The following GRK5 variants were observed in gnomAD, a reference collection of about 807,000 sequenced individuals.
GRK5 encodes g protein-coupled receptor kinase GRK5.
A neutral mutation model predicts 78.4 loss-of-function variants in GRK5; 40 were observed. That is an observed-to-expected ratio of 0.51 (90% confidence interval 0.40 to 0.66). GRK5 has a LOEUF of 0.66. Among genes scored for constraint, GRK5 ranks in the 30% least tolerant of loss-of-function variants. GRK5 has a pLI of 0.00. For missense variants in GRK5, 598 were observed against 759.9 expected, an observed-to-expected ratio of 0.79 and a Z score of 2.50; for synonymous variants, 289 against 296.8, an observed-to-expected ratio of 0.97 and a Z score of 0.27.
At chr10:119,250,777 T>TTGCTC (rs369016622) in intron 1 of GRK5, among the ~76,000 whole-genome samples, 89 of 152,316 alleles carry the variant, frequency 5.8e-4, no homozygotes, top group African/African-American at 2.1e-3. Flanking sequence ...TTATCTCCTC[T>TTGCTC]TGCTCTGAGT....
chr10:119,416,750 T>C (rs1589798374), intron 4 of GRK5, among the ~76,000 whole-genome samples: 1 of 152,126 alleles, frequency 6.6e-6, no homozygotes, highest in South Asian at 2.1e-4. Context: ...CATGCCACCA[T>C]GCCCAGCTAA....
chr10:119,431,612 T>A lies in GRK5; in HGVS notation c.738+85T>A. On this transcript the variant is annotated intron_variant, in intron 8 of 15. Transcript: ENST00000392870. This position sits in a 1 kb window ranked among gnomAD's most constrained non-coding sequence, Gnocchi z 4.8. ...CCTCCGGAAGGGCGTGGTCCTCTAA[T>A]GCGGCCGGTCCCCACCCCTGGGAAG... 1.3e-6 allele frequency: 2 copies of A among 1,496,156 alleles called. No individual in the cohort carries two copies. Among genetic ancestry groups the A allele is most frequent in the African/African-American group, 2.8e-5 (2 of 71,296 alleles). 92.7% of individuals were successfully genotyped at this position (1,496,156 alleles called of 1,614,324 possible). A position where few individuals can be genotyped will look rare whatever the true frequency, so the allele number is the denominator to read the frequency against.
intron 2 of GRK5, among the ~76,000 whole-genome samples, chr10:119,346,459 C>A (rs1227715427): frequency 3.3e-5 from 5 of 152,208 alleles, no homozygotes; most frequent in Non-Finnish European, 5.9e-5. Flanking sequence ...AAAGAAAAAG[C>A]CCCATGGGGC....
At chr10:119,429,601 G>C (rs1852775025) in intron 6 of GRK5, among the ~76,000 whole-genome samples, 1 of 150,954 alleles carries the variant, frequency 6.6e-6, no homozygotes, top group Non-Finnish European at 1.5e-5. Context: ...CAGAAGTTCT[G>C]TCTGATTCAA....
intron 1 of GRK5, among the ~76,000 whole-genome samples, chr10:119,229,463 A>C (rs1848791294): frequency 1.3e-5 from 2 of 152,180 alleles, no homozygotes; most frequent in African/African-American, 2.4e-5. Context: ...ATCTCTGTCT[A>C]GTGAACTAGT....
chr10:119,302,854 A>G (rs1850207205), intron 1 of GRK5, among the ~76,000 whole-genome samples: 1 of 152,122 alleles, frequency 6.6e-6, no homozygotes, highest in African/African-American at 2.4e-5. Flanking sequence ...TTCTGTCCCC[A>G]CGTGACCAAC....
At chr10:119,235,150 TTA>T (rs1430431138) in intron 1 of GRK5, among the ~76,000 whole-genome samples, 10 of 147,682 alleles carry the variant, frequency 6.8e-5, no homozygotes, top group African/African-American at 1.0e-4. Flanking sequence ...TAATTTTTTT[TTA>T]TTTTTTTTAT....
intron 2 of GRK5, among the ~76,000 whole-genome samples, chr10:119,355,976 C>CTT (rs1851257764): frequency 6.6e-6 from 1 of 152,154 alleles, no homozygotes; most frequent in Middle Eastern, 3.2e-3. Flanking sequence ...TTTTTTCACT[C>CTT]TAAGATAACT....
chr10:119,394,391 T>C (rs370056940), intron 3 of GRK5, among the ~76,000 whole-genome samples: 2 of 92,450 alleles, frequency 2.2e-5, no homozygotes, highest in Non-Finnish European at 4.8e-5. Context: ...TGTGTATCTG[T>C]GTCTGTGTGT....
chr10:119,308,681 C>T (rs752506999), intron 1 of GRK5, among the ~76,000 whole-genome samples: 4 of 152,252 alleles, frequency 2.6e-5, no homozygotes, highest in African/African-American at 7.2e-5. Flanking sequence ...AGCTTTCTTA[C>T]GCCTCGTTCT....
intron 6 of GRK5, among the ~76,000 whole-genome samples, chr10:119,425,475 C>T (rs1331206019): frequency 6.6e-6 from 1 of 152,186 alleles, no homozygotes; most frequent in Admixed American, 6.5e-5. Flanking sequence ...GGAGCCCTCC[C>T]TAAATAATAA....
rs1564917126 is a variant in GRK5, at chr10:119,394,361, GGT to G, written c.262-2326_262-2325del. 2.8e-3 allele frequency among the ~76,000 whole-genome samples: 195 copies of G among 70,714 alleles called. 41 individuals carry two copies. The highest frequency in any genetic ancestry group is 0.019 in the Middle Eastern group (2 of 106). 46.4% of individuals were successfully genotyped at this position (70,714 alleles called of 152,430 possible). On this transcript the variant is annotated intron_variant, in intron 3 of 15. Coordinates refer to ENST00000392870, the MANE Select transcript of GRK5 (RefSeq NM_005308.3). ...CTGTGTGTGGGCATGTGGGTGTGTGGGTGTGTGTGGGTGTCGGTGTGTGTATC... is the reference window on the plus strand; with the variant it reads ...CTGTGTGTGGGCATGTGGGTGTGTGGGTGTGTGGGTGTCGGTGTGTGTATC...
At chr10:119,208,941 T>C (rs1228703830) in intron 1 of GRK5, among the ~76,000 whole-genome samples, 1 of 152,174 alleles carries the variant, frequency 6.6e-6, no homozygotes, top group Non-Finnish European at 1.5e-5. Context: ...ATTTGAGCTC[T>C]AGTGTGCGAC....
At chr10:119,276,261 TC>T (rs1414298088) in intron 1 of GRK5, among the ~76,000 whole-genome samples, 1 of 151,884 alleles carries the variant, frequency 6.6e-6, no homozygotes. Context: ...ATGCTATCCC[TC>T]CCCCCTCCTC....
At chr10:119,394,313 C>CGTGTGT (rs1308713917) in intron 3 of GRK5, among the ~76,000 whole-genome samples, 1 of 4,252 alleles carries the variant, frequency 2.4e-4, no homozygotes, top group Non-Finnish European at 4.8e-4. Flanking sequence ...TGTGTGGGCA[C>CGTGTGT]GTGGGTGTGT....
chr10:119,373,409 A>G (rs143867923), intron 2 of GRK5, among the ~76,000 whole-genome samples: 330 of 152,316 alleles, frequency 2.2e-3, no homozygotes, highest in African/African-American at 7.5e-3. Context: ...GGTCTTTCCC[A>G]TGCTGTTCTC....
intron 13 of GRK5, among the ~76,000 whole-genome samples, chr10:119,451,329 A>G (rs1370086211): frequency 6.6e-6 from 1 of 152,082 alleles, no homozygotes; most frequent in East Asian, 1.9e-4. Context: ...TGGGTGTGCC[A>G]GGTAACTTTC....
intron 1 of GRK5, among the ~76,000 whole-genome samples, chr10:119,221,461 GA>G (rs1848655660): frequency 6.6e-6 from 1 of 152,198 alleles, no homozygotes; most frequent in Admixed American, 6.5e-5. Flanking sequence ...TTTGGAAGCT[GA>G]ATGCTGTTTC....
chr10:119,441,115 G>A (rs531670234), intron 10 of GRK5, among the ~76,000 whole-genome samples: 5 of 152,336 alleles, frequency 3.3e-5, no homozygotes, highest in South Asian at 2.1e-4. Flanking sequence ...GTGGAGGGGC[G>A]GTCGGAGGGC....
Sources: allele counts gnomAD v4.1 joint callset (sites outside exome capture counted in the v4.1 genomes callset), GRCh38; gene constraint gnomAD v4.1.1; non-coding constraint Gnocchi (gnomAD v3.1); transcripts MANE v1.5; gene names NCBI Gene and HGNC (gene_info 2026-07-23, HGNC 2026-07-21).